SNRK: variants seen among roughly 807,000 people sequenced by gnomAD.
SNRK encodes SNF related kinase.
A neutral mutation model predicts 48.2 loss-of-function variants in SNRK; 3 were observed. The observed-to-expected ratio is 0.06, with a 90% CI of 0.03 to 0.16. The LOEUF (loss-of-function observed/expected upper bound fraction) is 0.16, where lower values mean the gene tolerates loss of function less well. Among genes scored for constraint, SNRK ranks in the 10% least tolerant of loss-of-function variants. The pLI is 1.00. For missense variants in SNRK, 627 were observed against 976.0 expected, an observed-to-expected ratio of 0.64 and a Z score of 4.76; for synonymous variants, 376 against 366.1, an observed-to-expected ratio of 1.03 and a Z score of -0.31.
intron 1 of SNRK, among the ~76,000 whole-genome samples, chr3:43,298,142 G>A (rs2090870974): frequency 6.6e-6 from 1 of 152,164 alleles, no homozygotes; most frequent in South Asian, 2.1e-4. Flanking sequence ...TATCTTATGA[G>A]ATTGTTTTCT....
At chr3:43,339,818 AATATATATATATATATATATATATATAT>A (rs71083066) in intron 4 of SNRK, among the ~76,000 whole-genome samples, 764 of 66,742 alleles carry the variant, frequency 0.011, 42 homozygotes, top group African/African-American at 0.028. Flanking sequence ...CCATTTCCAA[AATATATATATATATATATATATATATAT>A]ATATATATAT....
At chr3:43,317,694 C>T (rs1374023971) in intron 3 of SNRK, among the ~76,000 whole-genome samples, 1 of 152,120 alleles carries the variant, frequency 6.6e-6, no homozygotes, top group East Asian at 1.9e-4. Flanking sequence ...CCCGGTCCTA[C>T]CTCAGGGCCA....
chr3:43,340,339 G>A lies in SNRK; in HGVS notation c.784G>A (p.Glu262Lys), dbSNP rs1418434343. The A allele has an allele frequency of 6.2e-7, 1 of 1,614,164 alleles. No homozygotes were observed. The highest frequency in any genetic ancestry group is 8.5e-7 in the Non-Finnish European group (1 of 1,180,024). ...TCCCAAGAGAAGGGCTTCTTTAGAA[G>A]AGATTGAAAATCATCCTTGGCTTCA... Reference protein sequence around the residue: ...RDPKRRASLEEIENHPWLQGV... With the variant: ...RDPKRRASLEKIENHPWLQGV... The change falls in exon 5 of 7, where the codon GAG (glutamate) becomes AAG (lysine). Residue 262 changes from glutamate (E) to lysine (K), a missense_variant. Transcript: ENST00000296088.
intron 3 of SNRK, among the ~76,000 whole-genome samples, chr3:43,316,096 A>G (rs940938663): frequency 6.6e-6 from 1 of 152,208 alleles, no homozygotes; most frequent in Non-Finnish European, 1.5e-5. Flanking sequence ...TATAGGTACC[A>G]TATAGGTGGG....
chr3:43,340,994 A>C (rs2091231359), intron 5 of SNRK, among the ~76,000 whole-genome samples: 1 of 152,188 alleles, frequency 6.6e-6, no homozygotes, highest in Admixed American at 6.5e-5. Context: ...GCACTGTGCT[A>C]TAATGGCAGA....
intron 6 of SNRK, among the ~76,000 whole-genome samples, chr3:43,344,340 A>C (rs1197374603): frequency 6.6e-6 from 1 of 152,198 alleles, no homozygotes; most frequent in African/African-American, 2.4e-5. Context: ...ATGCACTCAG[A>C]TAAAGTAACC....
At chr3:43,309,498 A>G (rs1559462267) in intron 3 of SNRK, among the ~76,000 whole-genome samples, 1 of 152,190 alleles carries the variant, frequency 6.6e-6, no homozygotes, top group African/African-American at 2.4e-5. Flanking sequence ...AGCCATGCCA[A>G]CCTTCAGCAA....
At chr3:43,289,514 C>T (rs2090793302) in intron 1 of SNRK, among the ~76,000 whole-genome samples, 2 of 152,246 alleles carry the variant, frequency 1.3e-5, no homozygotes, top group Middle Eastern at 3.4e-3. Flanking sequence ...TATAAAATTC[C>T]TCAGATTTAA....
intron 1 of SNRK, among the ~76,000 whole-genome samples, chr3:43,297,040 T>A (rs1479858418): frequency 2.6e-5 from 4 of 152,242 alleles, no homozygotes; most frequent in African/African-American, 9.6e-5. Flanking sequence ...CCTAGTTATA[T>A]GCCTGTGCTA....
intron 3 of SNRK, among the ~76,000 whole-genome samples, chr3:43,330,998 G>A (rs900748352): frequency 2.0e-5 from 3 of 152,112 alleles, no homozygotes; most frequent in Admixed American, 2.0e-4. Flanking sequence ...TTTGAACCAA[G>A]GAAAAGATAT....
At chr3:43,322,951 C>CA (rs55847039) in intron 3 of SNRK, among the ~76,000 whole-genome samples, 5 of 72,636 alleles carry the variant, frequency 6.9e-5, no homozygotes, top group African/African-American at 2.4e-4. Context: ...GACTCCGTCT[C>CA]AAAAAAAAAA....
chr3:43,326,715 T>A (rs1421813791), intron 3 of SNRK, among the ~76,000 whole-genome samples: 1 of 152,026 alleles, frequency 6.6e-6, no homozygotes, highest in African/African-American at 2.4e-5. Flanking sequence ...CTCCTAAGTT[T>A]AGACTGTACC....
chr3:43,307,616 A>C (rs1048119803), intron 3 of SNRK, among the ~76,000 whole-genome samples: 3 of 152,204 alleles, frequency 2.0e-5, no homozygotes, highest in African/African-American at 7.2e-5. Flanking sequence ...CAGCACCCAG[A>C]TAAGACAGCA....
At chr3:43,304,514 G>T (rs775103382) in intron 3 of SNRK, among the ~76,000 whole-genome samples, 14 of 152,130 alleles carry the variant, frequency 9.2e-5, no homozygotes, top group Non-Finnish European at 1.8e-4. Flanking sequence ...TCTATTTGTG[G>T]TGAAAGTATT....
chr3:43,320,418 A>G lies in SNRK; in HGVS notation c.590-11751A>G, dbSNP rs569317081. Among the ~76,000 whole-genome samples the G allele has an allele frequency of 8.5e-5, 13 of 152,322 alleles. No homozygotes were observed. In the East Asian group the frequency reaches 2.3e-3, roughly 27 times the overall value. ...CTTGTTAGGGTTTAAGAGAAACAACATGGATTGGGAGCTCCAGTAGGTGGA... is the reference window on the plus strand; with the variant it reads ...CTTGTTAGGGTTTAAGAGAAACAACGTGGATTGGGAGCTCCAGTAGGTGGA... On this transcript the variant is annotated intron_variant, in intron 3 of 6. Transcript: ENST00000296088.
intron 3 of SNRK, among the ~76,000 whole-genome samples, chr3:43,323,675 T>G (rs1484244446): frequency 1.3e-5 from 2 of 152,244 alleles, no homozygotes; most frequent in Admixed American, 1.3e-4. Context: ...TTTTTGTGAC[T>G]TTATTCATAA....
chr3:43,348,052 C>T lies in SNRK; in HGVS notation c.1793C>T (p.Pro598Leu). The change falls in exon 7 of 7, where the codon CCC (proline) becomes CTC (leucine). Residue 598 changes from proline (P) to leucine (L), a missense_variant. Physicochemically the swap from Pro to Leu is moderately conservative, Grantham distance 98. Around this residue, in one of 4 missense-constraint regions of SNRK, gnomAD observed 207 missense variants for 234.3 expected, o/e 0.88. Transcript: ENST00000296088. ...NASGGVDKAS[P>L]SENNAGGGSP... ...AGTGGAGGGGTGGACAAGGCCAGCC[C>T]CAGTGAGAACAATGCTGGTGGGGGC... 9 of 1,604,822 alleles carry T rather than the reference C, an allele frequency of 5.6e-6. No homozygotes were observed. Among genetic ancestry groups the T allele is most frequent in the Non-Finnish European group, 7.7e-6 (9 of 1,175,604 alleles).
chr3:43,325,387 G>T (rs951193038), intron 3 of SNRK, among the ~76,000 whole-genome samples: 1 of 152,038 alleles, frequency 6.6e-6, no homozygotes, highest in Non-Finnish European at 1.5e-5. Context: ...AGATGGTCTC[G>T]ATCTCCTGAC....
At chr3:43,300,243 T>C (rs55786717) in intron 2 of SNRK, among the ~76,000 whole-genome samples, 4,085 of 152,274 alleles carry the variant, frequency 0.027, 186 homozygotes, top group African/African-American at 0.091. Context: ...ATCATTTCAC[T>C]GTGCCCTCTT....
Sources: allele counts gnomAD v4.1 joint callset (sites outside exome capture counted in the v4.1 genomes callset), GRCh38; gene constraint gnomAD v4.1.1; regional missense constraint gnomAD v4.1.1; transcripts MANE v1.5; gene names NCBI Gene and HGNC (gene_info 2026-07-23, HGNC 2026-07-21).